CRACR2A: variants seen among roughly 807,000 people sequenced by gnomAD.
CRACR2A encodes EF-hand calcium-binding domain-containing protein 4B.
CRACR2A carries 79 observed loss-of-function variants against 90.5 expected under a neutral mutation model. The observed-to-expected ratio is 0.87, with a 90% CI of 0.73 to 1.05. The LOEUF is 1.05. CRACR2A is among the 50% of genes least tolerant of loss of function. The probability of loss-of-function intolerance (pLI) is 0.00; values close to 1 mark genes in which losing one functional copy is unlikely to be tolerated. For synonymous variants in CRACR2A, 338 were observed against 356.7 expected (o/e 0.95, Z 0.59); for missense variants, 823 against 897.2 (o/e 0.92, Z 1.06).
intron 14 of CRACR2A, among the ~76,000 whole-genome samples, chr12:3,637,109 T>C (rs1475293172): frequency 6.6e-6 from 1 of 152,190 alleles, no homozygotes; most frequent in East Asian, 1.9e-4. Flanking sequence ...TGGTCTCCCT[T>C]TTCCTACAGA....
In CRACR2A at chr12:3,627,786, C is replaced by T. The variant is rs543167190; in HGVS notation, c.1736-80G>A. 9 of 1,368,434 alleles carry T rather than the reference C, an allele frequency of 6.6e-6. No homozygotes were observed. In the South Asian group the frequency reaches 7.5e-5, roughly 11 times the overall value. 84.8% of individuals were successfully genotyped at this position (1,368,434 alleles called of 1,614,324 possible). A position where few individuals can be genotyped will look rare whatever the true frequency, so the allele number is the denominator to read the frequency against. ...CCAAATCAGGAAACAATGCTTCCAA[C>T]ATCTGAAATCACATCAGGCCCAAGG... On this transcript the variant is annotated intron_variant, in intron 15 of 19. Transcript: ENST00000440314.
At chr12:3,715,215 A>G (rs1182320944) in intron 2 of CRACR2A, among the ~76,000 whole-genome samples, 1 of 152,262 alleles carries the variant, frequency 6.6e-6, no homozygotes, top group Non-Finnish European at 1.5e-5. Context: ...ATGAGTGAAT[A>G]TATGATATAA....
At chr12:3,639,622 A>C (rs756908260) in intron 13 of CRACR2A, among the ~76,000 whole-genome samples, 15 of 152,164 alleles carry the variant, frequency 9.9e-5, no homozygotes, top group Non-Finnish European at 2.2e-4. Flanking sequence ...CCCTAATTTA[A>C]AATATGTATT....
Position 3,725,216 on chromosome 12 carries a change from A to G in CRACR2A, c.-118+7726T>C, listed in dbSNP as rs900007945. The stretch of plus-strand genomic sequence containing the variant: ...AGGGTTTTAATCTATAAGGGTTGCC[A>G]ATGAATTATCAAAAACCAGGTGTCT... On this transcript the variant is annotated intron_variant, in intron 2 of 19. Coordinates refer to ENST00000440314, the MANE Select transcript of CRACR2A (RefSeq NM_001144958.2). Among the ~76,000 whole-genome samples the G allele has an allele frequency of 2.0e-5, 3 of 152,194 alleles. No homozygotes were observed. In the East Asian group the frequency reaches 5.8e-4, roughly 29 times the overall value.
intron 17 of CRACR2A, among the ~76,000 whole-genome samples, chr12:3,620,095 C>A (rs1944104031): frequency 6.6e-6 from 1 of 152,214 alleles, no homozygotes; most frequent in Admixed American, 6.5e-5. Flanking sequence ...TGTTTACTTC[C>A]CCAATGGCTG....
At chr12:3,619,232 C>T in intron 18 of CRACR2A, 39 bp downstream of exon 18, 4 of 1,518,380 alleles carry the variant, frequency 2.6e-6, no homozygotes, top group Non-Finnish European at 3.6e-6. Context: ...CCCTCGGGGT[C>T]ACACTCTGTC....
intron 2 of CRACR2A, among the ~76,000 whole-genome samples, chr12:3,721,021 C>G (rs1384365717): frequency 6.6e-6 from 1 of 152,190 alleles, no homozygotes; most frequent in African/African-American, 2.4e-5. Context: ...AGTCTCTTCC[C>G]TCACCCACTC....
Position 3,638,357 on chromosome 12 carries a change from C to T in CRACR2A, c.1369G>A (p.Glu457Lys). The T allele has an allele frequency of 3.9e-6, 6 of 1,551,608 alleles. No homozygotes were observed. The highest frequency in any genetic ancestry group is 5.2e-6 in the Non-Finnish European group (6 of 1,146,946). The change falls in exon 14 of 20, where the codon GAG (glutamate) becomes AAG (lysine). Residue 457 changes from glutamate to lysine, a missense_variant. Physicochemically the swap from Glu to Lys is moderately conservative, Grantham distance 56. Coordinates refer to ENST00000440314, the MANE Select transcript of CRACR2A (RefSeq NM_001144958.2). The stretch of plus-strand genomic sequence containing the variant: ...GGGTACGGACCCCCAGGCCCTGGCT[C>T]CCCGGTTCCTGGCTCCTCTTCTGTT... Reference protein sequence around the residue: ...PLTEEEPGTGEPGPGGPYPRP... With the variant: ...PLTEEEPGTGKPGPGGPYPRP...
chr12:3,656,474 T>C lies in CRACR2A; in HGVS notation c.763-68A>G, dbSNP rs994352646. 2.7e-6 allele frequency: 4 copies of C among 1,454,554 alleles called. No homozygotes were observed. The African/African-American group carries it at 5.6e-5, about 20-fold the overall frequency. 90.1% of individuals were successfully genotyped at this position (1,454,554 alleles called of 1,614,324 possible). On this transcript the variant is annotated intron_variant, in intron 8 of 19. Coordinates refer to ENST00000440314, the MANE Select transcript of CRACR2A (RefSeq NM_001144958.2). ...ACACCCGGGTTATAGATTTTTTTTT[T>C]CCCACCTTGAACCTACTCAACATCA...
chr12:3,641,831 T>A lies in CRACR2A; in HGVS notation c.1172A>T (p.Lys391Met). 6.4e-7 allele frequency: 1 copy of A among 1,551,658 alleles called. No homozygotes were observed. The highest frequency in any genetic ancestry group is 1.2e-5 in the South Asian group (1 of 84,066). ...DERDICFQKN[K>M]AAKANTAASR... ...AGCAGCTGTGTTTGCCTTGGCTGCCTTATTTTTCTGTAGAAACACAAAATG... is the reference window on the plus strand; with the variant it reads ...AGCAGCTGTGTTTGCCTTGGCTGCCATATTTTTCTGTAGAAACACAAAATG... Residue 391 changes from lysine to methionine, a missense_variant, in exon 13 of 20, where the codon AAG becomes ATG. By Grantham distance (95) the Lys-to-Met change is moderately conservative. Coordinates refer to ENST00000440314, the MANE Select transcript of CRACR2A (RefSeq NM_001144958.2).
intron 14 of CRACR2A, among the ~76,000 whole-genome samples, chr12:3,635,324 G>T (rs1195306402): frequency 6.6e-6 from 1 of 152,116 alleles, no homozygotes; most frequent in Admixed American, 6.5e-5. Flanking sequence ...AGGAGTACCT[G>T]GCTGGCAAAT....
intron 12 of CRACR2A, among the ~76,000 whole-genome samples, chr12:3,642,901 C>T (rs1232890554): frequency 1.3e-5 from 2 of 152,176 alleles, no homozygotes; most frequent in Non-Finnish European, 2.9e-5. Flanking sequence ...AGAGGAGGGG[C>T]TGCAATGCTC....
intron 17 of CRACR2A, among the ~76,000 whole-genome samples, chr12:3,622,986 T>C (rs771664193): frequency 1.3e-5 from 2 of 152,196 alleles, no homozygotes; most frequent in African/African-American, 4.8e-5. Flanking sequence ...GAGGTTTAGC[T>C]AGCAGCCCAG....
chr12:3,705,842 A>G (rs1257294510), intron 3 of CRACR2A, among the ~76,000 whole-genome samples: 2 of 152,134 alleles, frequency 1.3e-5, no homozygotes, highest in Non-Finnish European at 2.9e-5. Context: ...AAAAAAAGAC[A>G]CTACAATATT....
At chr12:3,653,219 A>G (rs371129863) in intron 10 of CRACR2A, among the ~76,000 whole-genome samples, 130 of 146,030 alleles carry the variant, frequency 8.9e-4, no homozygotes, top group African/African-American at 2.8e-3. Flanking sequence ...CTGACCTTGT[A>G]ATCTGCCCAC....
chr12:3,646,448 G>A (rs934540262), intron 11 of CRACR2A, among the ~76,000 whole-genome samples: 2 of 152,242 alleles, frequency 1.3e-5, no homozygotes, highest in Non-Finnish European at 2.9e-5. Context: ...TAAGTGTGTT[G>A]TAAACTATAG....
At chr12:3,640,823 A>G (rs1331627492) in intron 13 of CRACR2A, 2 of 1,303,540 alleles carry the variant, frequency 1.5e-6, no homozygotes, top group Non-Finnish European at 2.0e-6. Context: ...TGGGCAGGGG[A>G]CTGGTTTGTC....
At chr12:3,704,229 C>T (rs1565495833) in intron 3 of CRACR2A, among the ~76,000 whole-genome samples, 1 of 152,218 alleles carries the variant, frequency 6.6e-6, no homozygotes, top group Non-Finnish European at 1.5e-5. Flanking sequence ...AGGGAATGAA[C>T]TGTTGATCCA....
intron 15 of CRACR2A, among the ~76,000 whole-genome samples, chr12:3,629,784 C>G (rs1944345577): frequency 7.1e-6 from 1 of 140,290 alleles, no homozygotes; most frequent in African/African-American, 2.7e-5. Flanking sequence ...CTCAGACAGG[C>G]AGGCCGAGGA....
Sources: gnomAD v4.1 joint callset for allele counts (sites outside exome capture counted in the v4.1 genomes callset) on GRCh38, gnomAD v4.1.1 for gene constraint, MANE v1.5 for transcripts, NCBI Gene and HGNC (gene_info 2026-07-23, HGNC 2026-07-21) for gene names.